Variants in GNB1L observed in about 807,000 individuals in gnomAD.
The protein encoded by GNB1L is guanine nucleotide-binding protein subunit beta-like protein 1.
In GNB1L, 20 loss-of-function variants were observed where a neutral mutation model predicts 29.1. The observed-to-expected ratio is 0.69, with a 90% CI of 0.48 to 1.00. The LOEUF (loss-of-function observed/expected upper bound fraction) is 1.00. GNB1L is among the 50% of genes least tolerant of loss of function. GNB1L has a pLI of 0.00. For synonymous variants in GNB1L, 193 were observed against 206.5 expected, an observed-to-expected ratio of 0.93 and a Z score of 0.56; for missense variants, 421 against 464.9, an observed-to-expected ratio of 0.91 and a Z score of 0.87.
In GNB1L at chr22:19,788,967, G is replaced by C; in HGVS notation, c.733-7C>G. On this transcript the variant is annotated splice_region_variant and splice_polypyrimidine_tract_variant and intron_variant, in intron 7 of 7. Coordinates refer to ENST00000329517, the MANE Select transcript of GNB1L (RefSeq NM_053004.3). ...GTTCATGAGTCCCACGCACCTGTGA[G>C]AGTTGGGAGAGGTGTTAGGCCACTC... 3 of 1,593,250 alleles carry C rather than the reference G, an allele frequency of 1.9e-6. No individual in the cohort carries two copies. The highest frequency in any genetic ancestry group is 1.7e-4 in the Middle Eastern group (1 of 5,782).
Position 19,802,073 on chromosome 22 carries a change from C to CTTCT in GNB1L, c.656_659dup (p.Ala221GlufsTer31). The stretch of plus-strand genomic sequence containing the variant: ...CCGCGGAGCCTGAGATGCCCCTGGC[C>CTTCT]TTCTGGGAGTCAAAGTCAAGGTCCA... On this transcript the variant is annotated frameshift_variant, in exon 7 of 8. Coordinates refer to ENST00000329517, the MANE Select transcript of GNB1L (RefSeq NM_053004.3). LOFTEE classifies it high-confidence loss of function. The CTTCT allele has an allele frequency of 6.2e-7, 1 of 1,613,392 alleles. No individual in the cohort carries two copies. The highest frequency in any genetic ancestry group is 8.5e-7 in the Non-Finnish European group (1 of 1,179,956).
At chr22:19,806,393 A>G (rs1937434948) in intron 6 of GNB1L, among the ~76,000 whole-genome samples, 1 of 152,164 alleles carries the variant, frequency 6.6e-6, no homozygotes, top group South Asian at 2.1e-4. Context: ...CTGCGGGGTG[A>G]GCCCACCGGA....
At position 19,788,757 on chromosome 22, in the gene GNB1L, G is replaced by T; in HGVS notation, c.936C>A (p.Gly312=). 1 of 1,611,848 alleles carries T rather than the reference G, an allele frequency of 6.2e-7. No homozygotes were observed. The change falls in exon 8 of 8, where the codon GGC becomes GGA. Residue 312 remains glycine, a synonymous_variant. Coordinates refer to ENST00000329517, the MANE Select transcript of GNB1L (RefSeq NM_053004.3). ...AFTADGLLAA[G]SKDQRISLWS... ...AGAGGCTGATCCGCTGATCCTTGGA[G>T]CCCGCGGCCAGCAAGCCATCGGCGG...
chr22:19,810,552 G>A (rs1937487647), intron 5 of GNB1L, among the ~76,000 whole-genome samples: 1 of 152,168 alleles, frequency 6.6e-6, no homozygotes. Context: ...TACCTGGGCT[G>A]GGTCCTCAGC....
At chr22:19,805,792 T>A (rs955207956) in intron 6 of GNB1L, among the ~76,000 whole-genome samples, 8 of 151,090 alleles carry the variant, frequency 5.3e-5, no homozygotes, top group African/African-American at 9.7e-5. Context: ...AAAAAAAAAA[T>A]AAATAAATAA....
intron 2 of GNB1L, chr22:19,848,426 GTCA>G (rs1938017214): frequency 2.9e-5 from 29 of 985,370 alleles, no homozygotes; most frequent in Non-Finnish European, 3.1e-5. Context: ...AAGCAGCTTG[GTCA>G]TCATCTGTCT....
chr22:19,795,319 T>G (rs1444407058), intron 7 of GNB1L, among the ~76,000 whole-genome samples: 5 of 152,060 alleles, frequency 3.3e-5, no homozygotes, highest in African/African-American at 1.2e-4. Context: ...TTAAAGATTT[T>G]AAGAGCCTTC....
At chr22:19,804,252 T>G (rs1937407533) in intron 6 of GNB1L, among the ~76,000 whole-genome samples, 1 of 152,250 alleles carries the variant, frequency 6.6e-6, no homozygotes, top group South Asian at 2.1e-4. Flanking sequence ...GGACCTGTTC[T>G]TCTCTGCCCC....
At chr22:19,798,604 G>A (rs2145865010) in intron 7 of GNB1L, among the ~76,000 whole-genome samples, 1 of 152,316 alleles carries the variant, frequency 6.6e-6, no homozygotes, top group Non-Finnish European at 1.5e-5. Context: ...GAGATGCCCA[G>A]TTCCTCCTGC....
Position 19,788,863 on chromosome 22 carries a change from A to ATGCGGTGGTCCCAGCC in GNB1L, c.814_829dup (p.Ile277ArgfsTer165). 3 of 1,612,882 alleles carry ATGCGGTGGTCCCAGCC rather than the reference A, an allele frequency of 1.9e-6. No individual in the cohort carries two copies. The highest frequency in any genetic ancestry group is 2.5e-6 in the Non-Finnish European group (3 of 1,179,956). On this transcript the variant is annotated frameshift_variant, in exon 8 of 8. Coordinates refer to ENST00000329517, the MANE Select transcript of GNB1L (RefSeq NM_053004.3). LOFTEE classifies it high-confidence loss of function. ...CATCGTCCGCCAGTGGAACACGCGG[A>ATGCGGTGGTCCCAGCC]TGCGGTGGTCCCAGCCTGCGGTGGC...
At chr22:19,838,920 A>C (rs983385346) in intron 2 of GNB1L, among the ~76,000 whole-genome samples, 1 of 152,244 alleles carries the variant, frequency 6.6e-6, no homozygotes, top group Non-Finnish European at 1.5e-5. Context: ...TGAAAACTAT[A>C]ATCTCCTAAA....
At chr22:19,850,027 AC>A (rs1938056816) in intron 2 of GNB1L, 2 of 985,398 alleles carry the variant, frequency 2.0e-6, no homozygotes, top group Non-Finnish European at 2.4e-6. Context: ...CACTTCACCT[AC>A]AGCTCTCGGA....
At chr22:19,849,523 C>G (rs894619144) in intron 2 of GNB1L, 2 of 305,488 alleles carry the variant, frequency 6.5e-6, no homozygotes, top group Admixed American at 1.3e-4. Flanking sequence ...CATGCACCAC[C>G]ACACTTGGCT....
intron 7 of GNB1L, among the ~76,000 whole-genome samples, chr22:19,796,172 A>AG (rs1330414642): frequency 6.6e-6 from 1 of 152,212 alleles, no homozygotes; most frequent in African/African-American, 2.4e-5. Flanking sequence ...AGAGATGATG[A>AG]GGGGGAATGA....
At chr22:19,800,574 C>T (rs1026874506) in intron 7 of GNB1L, among the ~76,000 whole-genome samples, 2 of 152,184 alleles carry the variant, frequency 1.3e-5, no homozygotes, top group African/African-American at 2.4e-5. Flanking sequence ...CTGCTCAGAA[C>T]GGGCATCATG....
chr22:19,853,574 TCTC>T (rs2145909072), intron 2 of GNB1L, among the ~76,000 whole-genome samples: 1 of 151,990 alleles, frequency 6.6e-6, no homozygotes, highest in Admixed American at 6.6e-5. Flanking sequence ...TCATCCCACA[TCTC>T]CTATCTGCTG....
intron 7 of GNB1L, chr22:19,793,043 C>T (rs148063143): frequency 1.7e-4 from 267 of 1,595,182 alleles, no homozygotes; most frequent in African/African-American, 3.1e-4. Context: ...TGGCTCGTAT[C>T]GCCAAGCTCG....
intron 2 of GNB1L, among the ~76,000 whole-genome samples, chr22:19,824,865 C>T (rs1937607324): frequency 6.6e-6 from 1 of 152,278 alleles, no homozygotes; most frequent in African/African-American, 2.4e-5. Context: ...CACCACAGGT[C>T]CCTACCCAAG....
At chr22:19,831,876 C>T (rs964881685) in intron 2 of GNB1L, among the ~76,000 whole-genome samples, 14 of 151,566 alleles carry the variant, frequency 9.2e-5, no homozygotes, top group African/African-American at 3.4e-4. Flanking sequence ...ATGAAAATGC[C>T]CATTAAACAC....
Sources: gnomAD v4.1 joint callset for allele counts (sites outside exome capture counted in the v4.1 genomes callset) on GRCh38, gnomAD v4.1.1 for gene constraint, MANE v1.5 for transcripts, NCBI Gene and HGNC (gene_info 2026-07-23, HGNC 2026-07-21) for gene names.